PRKG1: variants seen among roughly 807,000 people sequenced by gnomAD.
PRKG1 encodes the protein cGMP-dependent protein kinase 1.
In PRKG1, 35 loss-of-function variants were observed where a neutral mutation model predicts 88.1. The observed-to-expected ratio is 0.40, with a 90% CI of 0.30 to 0.53. The LOEUF (loss-of-function observed/expected upper bound fraction) is 0.53. Ranked by LOEUF, PRKG1 falls within the 20% of genes least tolerant of loss-of-function variation. PRKG1 has a pLI of 0.59. For synonymous variants in PRKG1, 303 were observed against 292.5 expected (o/e 1.04, Z -0.37); for missense variants, 540 against 839.8 (o/e 0.64, Z 4.41).
At chr10:51,345,620 A>G (rs779293257) in intron 2 of PRKG1, among the ~76,000 whole-genome samples, 22 of 152,198 alleles carry the variant, frequency 1.4e-4, no homozygotes, top group Admixed American at 6.5e-5. Context: ...TCCCATACAT[A>G]ATCTCATTTG....
chr10:51,128,838 G>A (rs1845495918), intron 1 of PRKG1, among the ~76,000 whole-genome samples: 1 of 152,138 alleles, frequency 6.6e-6, no homozygotes, highest in Non-Finnish European at 1.5e-5. Flanking sequence ...CATGTCTCAA[G>A]CTTAGCATTA....
At chr10:51,198,268 A>G (rs753400496) in intron 2 of PRKG1, among the ~76,000 whole-genome samples, 41 of 152,062 alleles carry the variant, frequency 2.7e-4, no homozygotes, top group Non-Finnish European at 5.1e-4. Flanking sequence ...CCGCATGATA[A>G]TAGAACTCCA....
chr10:51,496,845 A>G (rs1448872205), intron 3 of PRKG1, among the ~76,000 whole-genome samples: 1 of 152,190 alleles, frequency 6.6e-6, no homozygotes, highest in Non-Finnish European at 1.5e-5. Flanking sequence ...CTATATTCTG[A>G]GTTGTCTTGT....
intron 4 of PRKG1, among the ~76,000 whole-genome samples, chr10:51,836,741 C>A (rs984416350): frequency 2.6e-5 from 4 of 152,028 alleles, no homozygotes; most frequent in African/African-American, 9.7e-5. Flanking sequence ...TAAAAATAAA[C>A]AGAAGATGTG....
chr10:52,160,913 A>G (rs1838260597), intron 8 of PRKG1, among the ~76,000 whole-genome samples: 1 of 152,114 alleles, frequency 6.6e-6, no homozygotes, highest in Non-Finnish European at 1.5e-5. Context: ...CATTGGAACT[A>G]TTAAAGTATT....
chr10:51,341,043 G>T lies in PRKG1; in HGVS notation c.479-126680G>T, dbSNP rs1255457423. Among the ~76,000 whole-genome samples, 3 of 152,008 alleles carry T rather than the reference G, an allele frequency of 2.0e-5. No individual in the cohort carries two copies. The South Asian group carries it at 6.2e-4, about 32-fold the overall frequency. On this transcript the variant is annotated intron_variant, in intron 2 of 17. Coordinates refer to ENST00000373980, the MANE Select transcript of PRKG1 (RefSeq NM_006258.4). ...AGAGTCTCTACTCCATACACTTGGT[G>T]GGAAACCAGACTGATTTCCATAAAA...
At chr10:52,142,215 A>T (rs886932865) in intron 8 of PRKG1, among the ~76,000 whole-genome samples, 11 of 152,158 alleles carry the variant, frequency 7.2e-5, no homozygotes, top group African/African-American at 2.7e-4. Context: ...TAAGGGTGGG[A>T]TTACAGCACA....
At chr10:52,238,834 T>G (rs1376387669) in intron 9 of PRKG1, among the ~76,000 whole-genome samples, 11 of 150,260 alleles carry the variant, frequency 7.3e-5, no homozygotes, top group African/African-American at 2.2e-4. Context: ...TATACCCAAA[T>G]GACTATAAAT....
intron 4 of PRKG1, among the ~76,000 whole-genome samples, chr10:51,822,127 CAT>C (rs758496428): frequency 4.2e-4 from 64 of 151,436 alleles, no homozygotes; most frequent in African/African-American, 1.4e-3. Flanking sequence ...ATATATATAA[CAT>C]ATGTATGTAT....
intron 4 of PRKG1, among the ~76,000 whole-genome samples, chr10:51,896,826 C>T (rs974229935): frequency 6.6e-6 from 1 of 151,942 alleles, no homozygotes; most frequent in African/African-American, 2.4e-5. Flanking sequence ...AAACTTTTAT[C>T]ACATATGTAA....
In PRKG1 at chr10:51,925,911, C is replaced by T. The variant is rs187475955; in HGVS notation, c.762+18341C>T. On this transcript the variant is annotated intron_variant, in intron 5 of 17. Transcript: ENST00000373980. ...GGATGAAAGTGTTGACTTACAAGCT[C>T]TTTATATATCAGACCAGAAACTACT... is the stretch of plus-strand genomic sequence containing the variant. 3.0e-3 allele frequency among the ~76,000 whole-genome samples: 462 copies of T among 152,210 alleles called. 1 individual carries two copies. Among genetic ancestry groups the T allele is most frequent in the Non-Finnish European group, 5.4e-3 (365 of 68,006 alleles).
At chr10:51,554,422 G>GTA (rs1491565654) in intron 3 of PRKG1, among the ~76,000 whole-genome samples, 2 of 34,078 alleles carry the variant, frequency 5.9e-5, no homozygotes, top group African/African-American at 3.9e-4. Context: ...TATATTTATC[G>GTA]TGTGTGTGTG....
intron 2 of PRKG1, among the ~76,000 whole-genome samples, chr10:51,458,432 CT>C (rs10707987): frequency 0.33 from 48,634 of 147,774 alleles, 8,098 homozygotes; most frequent in African/African-American, 0.4. Context: ...TTTAATAACC[CT>C]TTTTTTTTTT....
At chr10:51,925,954 T>C (rs537654701) in intron 5 of PRKG1, among the ~76,000 whole-genome samples, 16 of 152,294 alleles carry the variant, frequency 1.1e-4, no homozygotes, top group African/African-American at 3.6e-4. Flanking sequence ...AAATATAAAA[T>C]ATAATCACCA....
intron 2 of PRKG1, among the ~76,000 whole-genome samples, chr10:51,437,950 G>T (rs1838984298): frequency 6.6e-6 from 1 of 151,294 alleles, no homozygotes; most frequent in East Asian, 1.9e-4. Flanking sequence ...CTGTTCAAAG[G>T]CTAAGAAATC....
intron 7 of PRKG1, among the ~76,000 whole-genome samples, chr10:52,085,064 G>T (rs894105951): frequency 2.0e-5 from 3 of 151,912 alleles, no homozygotes; most frequent in African/African-American, 7.3e-5. Flanking sequence ...TCTTCCCAGG[G>T]TATCAAACAC....
At chr10:51,177,474 T>C (rs1282347462) in intron 2 of PRKG1, among the ~76,000 whole-genome samples, 2 of 152,194 alleles carry the variant, frequency 1.3e-5, no homozygotes, top group Non-Finnish European at 2.9e-5. Flanking sequence ...GGCTGCTATT[T>C]GCTCTACTCT....
At chr10:51,255,269 C>G (rs1839527366) in intron 2 of PRKG1, among the ~76,000 whole-genome samples, 1 of 152,026 alleles carries the variant, frequency 6.6e-6, no homozygotes, top group Non-Finnish European at 1.5e-5. Flanking sequence ...GTCTTAATTT[C>G]TAGGTTTAAG....
intron 1 of PRKG1, among the ~76,000 whole-genome samples, chr10:51,012,171 A>G (rs1476888129): frequency 6.6e-6 from 1 of 152,196 alleles, no homozygotes; most frequent in Non-Finnish European, 1.5e-5. Flanking sequence ...CATGGTTTCA[A>G]AAAGTAGAAG....
Sources: gnomAD v4.1 joint callset for allele counts (sites outside exome capture counted in the v4.1 genomes callset) on GRCh38, gnomAD v4.1.1 for gene constraint, MANE v1.5 for transcripts, NCBI Gene and HGNC (gene_info 2026-07-23, HGNC 2026-07-21) for gene names.